Variants in PDE6B observed in about 807,000 individuals in gnomAD.
The protein encoded by PDE6B is phosphodiesterase 6B, also known as rod cGMP-specific 3',5'-cyclic phosphodiesterase subunit beta.
A neutral mutation model predicts 109.0 loss-of-function variants in PDE6B; 106 were observed. That is an observed-to-expected ratio of 0.97 (90% CI 0.83 to 1.14). The LOEUF (loss-of-function observed/expected upper bound fraction) is 1.14. PDE6B is among the 50% of genes most tolerant of loss of function. The probability of loss-of-function intolerance (pLI) is 0.00; values close to 1 mark genes in which losing one functional copy is unlikely to be tolerated. For synonymous variants in PDE6B, 490 were observed against 471.3 expected, an observed-to-expected ratio of 1.04 and a Z score of -0.51; for missense variants, 1,193 against 1,155.6, an observed-to-expected ratio of 1.03 and a Z score of -0.47.
rs912449354 is a variant in PDE6B at position 666,982 on chromosome 4, T to G, written c.2352+368T>G. On this transcript the variant is annotated intron_variant, in intron 20 of 21. Coordinates refer to ENST00000496514, the MANE Select transcript of PDE6B (RefSeq NM_000283.4). The surrounding 1 kb of genome is among the most constrained non-coding windows in gnomAD (Gnocchi z 5.6). ...GCTGCAGCTCTGTGGGTTCATTTGT[T>G]CCATGTTTGTGAACCCTCGAGGCGG... is the stretch of plus-strand genomic sequence containing the variant. 6.6e-6 allele frequency among the ~76,000 whole-genome samples: 1 copy of G among 152,228 alleles called. No individual in the cohort carries two copies. Among genetic ancestry groups the G allele is most frequent in the Non-Finnish European group, 1.5e-5 (1 of 68,028 alleles).
intron 10 of PDE6B, 142 bp downstream of exon 10, chr4:657,636 G>A (rs553905863): frequency 3.3e-5 from 26 of 787,772 alleles, no homozygotes; most frequent in African/African-American, 1.1e-4. Flanking sequence ...ACGGCTGTGC[G>A]GTGGGGGCAG....
chr4:667,123 C>T (rs1390279290), intron 20 of PDE6B, among the ~76,000 whole-genome samples: 6 of 152,218 alleles, frequency 3.9e-5, no homozygotes, highest in African/African-American at 7.2e-5. Context: ...TCTGAGGACG[C>T]AAGGCGGACA....
Position 663,579 on chromosome 4 carries a change from G to A in PDE6B, c.1921-191G>A. Reference sequence around the variant, plus strand: ...GCCATCTGCGTCCCAAGCCGACGATGGAGCCGCTGGTGGAGAGCTGGGCAC... The same window carrying A: ...GCCATCTGCGTCCCAAGCCGACGATAGAGCCGCTGGTGGAGAGCTGGGCAC... On this transcript the variant is annotated intron_variant, in intron 15 of 21. Transcript: ENST00000496514. This position sits in a 1 kb window ranked among gnomAD's most constrained non-coding sequence, Gnocchi z 4.0. 1.6e-6 allele frequency: 1 copy of A among 628,438 alleles called. No individual in the cohort carries two copies. The highest frequency in any genetic ancestry group is 2.8e-6 in the Non-Finnish European group (1 of 350,932). The allele number at this position is 628,438 out of a possible 1,614,324, so 38.9% of individuals were successfully genotyped here.
intron 7 of PDE6B, 75 bp from the exon 8 acceptor site, chr4:656,170 G>T: frequency 8.8e-7 from 1 of 1,131,570 alleles, no homozygotes; most frequent in Non-Finnish European, 1.4e-6. Flanking sequence ...TCACCTCAGG[G>T]CCACAGAGGC....
At chr4:659,692 G>T (rs938173296) in intron 11 of PDE6B, among the ~76,000 whole-genome samples, 2 of 148,754 alleles carry the variant, frequency 1.3e-5, no homozygotes, top group African/African-American at 5.0e-5. Flanking sequence ...GTGTGCACAT[G>T]GGCGTTTGTG....
chr4:658,832 A>G lies in PDE6B; in HGVS notation c.1402-120A>G, dbSNP rs376122906. ...GATCAGAGGCCGCCAGGGCCTTCCC[A>G]GGGTGAAAGCACAAGCTCTTGACAG... On this transcript the variant is annotated intron_variant, in intron 10 of 21. Transcript: ENST00000496514. 14 of 755,196 alleles carry G rather than the reference A, an allele frequency of 1.9e-5. No individual in the cohort carries two copies. In the East Asian group the frequency reaches 3.7e-4, roughly 20 times the overall value. 46.8% of individuals were successfully genotyped at this position (755,196 alleles called of 1,614,324 possible).
intron 3 of PDE6B, among the ~76,000 whole-genome samples, chr4:651,197 G>A (rs1314242161): frequency 4.4e-4 from 66 of 150,490 alleles, no homozygotes; most frequent in African/African-American, 1.6e-3. Context: ...CACAGGCGGG[G>A]CAGGGGCTGA....
rs983953962 is a variant in PDE6B, at chr4:666,142, C to T, written c.2269-389C>T. ...AGAGCACGTCTGTGTCTGCCCCAGG[C>T]GAGTGCACAGCGAGGTCCTGGTCAG... On this transcript the variant is annotated intron_variant, in intron 19 of 21. Coordinates refer to ENST00000496514, the MANE Select transcript of PDE6B (RefSeq NM_000283.4). The surrounding 1 kb of genome is among the most constrained non-coding windows in gnomAD (Gnocchi z 5.6). Among the ~76,000 whole-genome samples, 9 of 152,164 alleles carry T rather than the reference C, an allele frequency of 5.9e-5. No homozygotes were observed. Among genetic ancestry groups the T allele is most frequent in the African/African-American group, 1.4e-4 (6 of 41,426 alleles).
chr4:650,335 A>G (rs982490579), intron 3 of PDE6B, among the ~76,000 whole-genome samples: 1 of 152,242 alleles, frequency 6.6e-6, no homozygotes, highest in African/African-American at 2.4e-5. Flanking sequence ...CTGAGAGCTC[A>G]ACACTGCTGG....
intron 5 of PDE6B, chr4:654,591 T>G: frequency 1.6e-6 from 1 of 628,956 alleles, no homozygotes; most frequent in Admixed American, 2.3e-5. Flanking sequence ...ACGGTCTGCA[T>G]GTGTGTGCAC....
intron 20 of PDE6B, 123 bp from the exon 21 acceptor site, chr4:667,732 GT>G: frequency 9.8e-7 from 1 of 1,018,566 alleles, no homozygotes; most frequent in Non-Finnish European, 1.5e-6. Flanking sequence ...TGCCCCCTCC[GT>G]GGCGCTCCCT....
chr4:650,358 C>G (rs552907873), intron 3 of PDE6B, among the ~76,000 whole-genome samples: 1 of 152,358 alleles, frequency 6.6e-6, no homozygotes, highest in East Asian at 1.9e-4. Flanking sequence ...GTCCGGCCCC[C>G]CCTGTCCCCA....
rs769380840 is a variant in PDE6B at position 654,462 on chromosome 4, C to CGT, written c.927+326_927+327dup. On this transcript the variant is annotated intron_variant, in intron 5 of 21. Coordinates refer to ENST00000496514, the MANE Select transcript of PDE6B (RefSeq NM_000283.4). ...GGACCTCCTGTGCACGTGTAGGATG[C>CGT]GTGTGTGTGTGTGTGTGTGAGAGTA... 3.0e-3 allele frequency: 1,697 copies of CGT among 570,982 alleles called. 4 individuals carry two copies. Among genetic ancestry groups the CGT allele is most frequent in the African/African-American group, 8.4e-3 (449 of 53,412 alleles). 35.4% of individuals were successfully genotyped at this position (570,982 alleles called of 1,614,324 possible).
At chr4:631,078 T>C (rs1175971605) in intron 1 of PDE6B, among the ~76,000 whole-genome samples, 1 of 152,168 alleles carries the variant, frequency 6.6e-6, no homozygotes, top group African/African-American at 2.4e-5. Flanking sequence ...ACGAACGGGC[T>C]GAGAGAGCAT....
intron 17 of PDE6B, among the ~76,000 whole-genome samples, chr4:664,676 C>T (rs189842698): frequency 2.6e-5 from 4 of 152,200 alleles, no homozygotes; most frequent in South Asian, 2.1e-4. Context: ...ATTAGCCGGG[C>T]GTGGTGGCGG....
intron 3 of PDE6B, among the ~76,000 whole-genome samples, chr4:643,704 G>A (rs1251254070): frequency 6.6e-6 from 1 of 151,870 alleles, no homozygotes; most frequent in African/African-American, 2.4e-5. Flanking sequence ...GAGGCATAGA[G>A]TTGTCATAAT....
intron 11 of PDE6B, 149 bp downstream of exon 11, chr4:659,166 C>T: frequency 2.8e-6 from 2 of 702,372 alleles, no homozygotes; most frequent in African/African-American, 1.7e-5. Flanking sequence ...TGTATCTAAG[C>T]ACCTTAGTGT....
chr4:657,242 G>A, intron 9 of PDE6B, 109 bp from the exon 10 acceptor site: 1 of 1,329,622 alleles, frequency 7.5e-7, no homozygotes, highest in Non-Finnish European at 1.1e-6. Flanking sequence ...GCGACACCAT[G>A]GTGGCAGCCC....
chr4:670,075 G>A lies in PDE6B; in HGVS notation c.2533G>A (p.Ala845Thr). ...CACAGAAATTTGCAATGGCGGCCCA[G>A]CACCCAAGTCTTCAACCTGCTGTAT... ...VGTEICNGGPAPKSSTCCIL is the reference protein window; with the variant it reads ...VGTEICNGGPTPKSSTCCIL Residue 845 changes from alanine (A) to threonine (T), a missense_variant, in exon 22 of 22, where the codon GCA becomes ACA. Transcript: ENST00000496514. 1 of 1,613,114 alleles carries A rather than the reference G, an allele frequency of 6.2e-7. No individual in the cohort carries two copies. Among genetic ancestry groups the A allele is most frequent in the Non-Finnish European group, 8.5e-7 (1 of 1,179,598 alleles).
Sources: allele counts gnomAD v4.1 joint callset (sites outside exome capture counted in the v4.1 genomes callset), GRCh38; gene constraint gnomAD v4.1.1; non-coding constraint Gnocchi (gnomAD v3.1); transcripts MANE v1.5; gene names NCBI Gene and HGNC (gene_info 2026-07-23, HGNC 2026-07-21).